The following WDR17 variants were observed in gnomAD, a reference collection of about 807,000 sequenced individuals.
WDR17 encodes the protein WD repeat domain 17, also known as WD repeat-containing protein 17.
A neutral mutation model predicts 161.7 loss-of-function variants in WDR17; 143 were observed. That is an observed-to-expected ratio of 0.88 (90% confidence interval 0.77 to 1.02). WDR17 has a LOEUF of 1.02. Ranked by LOEUF, WDR17 falls within the 50% of genes least tolerant of loss-of-function variation. WDR17 has a pLI of 0.00. For synonymous variants in WDR17, 517 were observed against 515.6 expected, an observed-to-expected ratio of 1.00 and a Z score of -0.04; for missense variants, 1,469 against 1,520.9, an observed-to-expected ratio of 0.97 and a Z score of 0.57.
chr4:176,119,094 ATC>A (rs1010046561), intron 3 of WDR17, among the ~76,000 whole-genome samples: 2 of 152,212 alleles, frequency 1.3e-5, no homozygotes, highest in East Asian at 1.9e-4. Context: ...AAGATGTGCA[ATC>A]TCTCTCTCAT....
intron 26 of WDR17, among the ~76,000 whole-genome samples, chr4:176,175,133 G>GT (rs1277913869): frequency 6.6e-6 from 1 of 152,174 alleles, no homozygotes; most frequent in African/African-American, 2.4e-5. Flanking sequence ...TAGGAAAGAG[G>GT]TAAGAGTGAA....
intron 3 of WDR17, among the ~76,000 whole-genome samples, chr4:176,118,691 C>A (rs904177933): frequency 9.2e-5 from 14 of 152,188 alleles, no homozygotes; most frequent in African/African-American, 3.1e-4. Context: ...AATCTAATTT[C>A]TTTCCAGGAC....
chr4:176,144,792 G>T (rs1263758563), intron 11 of WDR17, among the ~76,000 whole-genome samples: 2 of 151,814 alleles, frequency 1.3e-5, no homozygotes. Context: ...TATTTATAAG[G>T]TATCTCTGAC....
At position 176,180,482 on chromosome 4, in the gene WDR17, G is replaced by A. The variant is rs1037768562; in HGVS notation, c.*903G>A. On this transcript the variant is annotated 3_prime_UTR_variant, in exon 29 of 29. Transcript: ENST00000508596. Reference sequence around the variant, plus strand: ...TCAGCACTTTGGCAGGCCAAGGCAGGTGGATCACCTGAGGTCAGGAGTTCA... The same window carrying A: ...TCAGCACTTTGGCAGGCCAAGGCAGATGGATCACCTGAGGTCAGGAGTTCA... The A allele has an allele frequency of 6.6e-6, 1 of 152,262 alleles. No homozygotes were observed. Among genetic ancestry groups the A allele is most frequent in the African/African-American group, 2.4e-5 (1 of 41,458 alleles). The allele number at this position is 152,262 out of a possible 1,614,324, so 9.4% of individuals were successfully genotyped here.
chr4:176,168,238 TAACTC>T (rs1156523859), intron 22 of WDR17, among the ~76,000 whole-genome samples: 1 of 152,212 alleles, frequency 6.6e-6, no homozygotes, highest in Admixed American at 6.5e-5. Flanking sequence ...ATTATGAACT[TAACTC>T]AATATTCTAC....
intron 4 of WDR17, among the ~76,000 whole-genome samples, chr4:176,124,655 C>T (rs555663823): frequency 6.6e-6 from 1 of 152,236 alleles, no homozygotes; most frequent in South Asian, 2.1e-4. Flanking sequence ...TCTGAGGCAG[C>T]AAAGCTAGTA....
intron 4 of WDR17, among the ~76,000 whole-genome samples, chr4:176,122,397 C>A (rs1381940410): frequency 6.6e-6 from 1 of 152,110 alleles, no homozygotes; most frequent in Non-Finnish European, 1.5e-5. Flanking sequence ...TGAGAGAGCA[C>A]AGTTCAACCC....
At chr4:176,126,622 CTAT>C in intron 5 of WDR17, among the ~76,000 whole-genome samples, 1 of 152,098 alleles carries the variant, frequency 6.6e-6, no homozygotes, top group Non-Finnish European at 1.5e-5. Context: ...GTGACAAGTA[CTAT>C]GTTGAACCCA....
At chr4:176,148,596 C>T (rs1460570869) in intron 13 of WDR17, among the ~76,000 whole-genome samples, 1 of 152,156 alleles carries the variant, frequency 6.6e-6, no homozygotes, top group Non-Finnish European at 1.5e-5. Flanking sequence ...GTCTGTGTTT[C>T]TGTGTACACA....
chr4:176,166,034 CAG>C (rs1345201307), intron 22 of WDR17: 7 of 653,642 alleles, frequency 1.1e-5, no homozygotes, highest in African/African-American at 3.9e-5. Flanking sequence ...AAGCTATAAA[CAG>C]CGCTTTTTTT....
intron 3 of WDR17, among the ~76,000 whole-genome samples, chr4:176,118,880 G>A (rs2126716829): frequency 6.6e-6 from 1 of 152,138 alleles, no homozygotes; most frequent in African/African-American, 2.4e-5. Context: ...AGAATGGCAT[G>A]AACCCGGGAG....
At chr4:176,121,884 G>T (rs1325204482) in intron 4 of WDR17, among the ~76,000 whole-genome samples, 1 of 152,172 alleles carries the variant, frequency 6.6e-6, no homozygotes, top group African/African-American at 2.4e-5. Flanking sequence ...TTCCAGAAGA[G>T]ACCATTGTTT....
chr4:176,177,604 C>G lies in WDR17; in HGVS notation c.3682C>G (p.Pro1228Ala). Reference sequence around the variant, plus strand: ...AGATTATGTGACTGGATCAAATCTTCCAAGTCATTCTGATATTCACATTTC... The same window carrying G: ...AGATTATGTGACTGGATCAAATCTTGCAAGTCATTCTGATATTCACATTTC... Reference protein sequence around the residue: ...GPDYVTGSNLPSHSDIHISCL... With the variant: ...GPDYVTGSNLASHSDIHISCL... Residue 1228 changes from proline to alanine, a missense_variant, in exon 28 of 29, where the codon CCA becomes GCA. By Grantham distance (27) the Pro-to-Ala change is conservative. Transcript: ENST00000508596. 6.3e-7 allele frequency: 1 copy of G among 1,597,816 alleles called. No individual in the cohort carries two copies. Among genetic ancestry groups the G allele is most frequent in the South Asian group, 1.1e-5 (1 of 87,762 alleles).
chr4:176,180,751 A>G lies in WDR17; in HGVS notation c.*1172A>G, dbSNP rs1217001579. ...AAAAACCACAATTGATTTGATGAAAATTAGTTTTAAGTAAATGTTTGTAAA... is the reference window on the plus strand; with the variant it reads ...AAAAACCACAATTGATTTGATGAAAGTTAGTTTTAAGTAAATGTTTGTAAA... On this transcript the variant is annotated 3_prime_UTR_variant, in exon 29 of 29. Coordinates refer to ENST00000508596, the MANE Select transcript of WDR17 (RefSeq NM_181265.4). 1.3e-5 allele frequency: 2 copies of G among 152,162 alleles called. No homozygotes were observed. 9.4% of individuals were successfully genotyped at this position (152,162 alleles called of 1,614,324 possible).
At chr4:176,077,958 A>T (rs181673921) in intron 1 of WDR17, among the ~76,000 whole-genome samples, 169 of 152,182 alleles carry the variant, frequency 1.1e-3, no homozygotes, top group African/African-American at 3.9e-3. Context: ...CATTTGACCC[A>T]GGCAACCACT....
chr4:176,145,927 G>A, intron 11 of WDR17, 68 bp from the exon 12 acceptor site: 1 of 1,389,376 alleles, frequency 7.2e-7, no homozygotes. Context: ...TAGAACTATG[G>A]TATACCTTTA....
At chr4:176,173,814 C>T (rs1751088244) in intron 25 of WDR17, among the ~76,000 whole-genome samples, 1 of 151,346 alleles carries the variant, frequency 6.6e-6, no homozygotes, top group South Asian at 2.1e-4. Context: ...TGCGCCTGGC[C>T]GTTTGTTATG....
intron 3 of WDR17, among the ~76,000 whole-genome samples, chr4:176,116,732 A>G (rs1332862984): frequency 6.6e-6 from 1 of 151,868 alleles, no homozygotes; most frequent in Non-Finnish European, 1.5e-5. Context: ...TTTTGTTCAA[A>G]TTTCTTTGTA....
chr4:176,092,863 A>C (rs1579024470), intron 1 of WDR17, among the ~76,000 whole-genome samples: 1 of 152,054 alleles, frequency 6.6e-6, no homozygotes, highest in East Asian at 1.9e-4. Context: ...CCAACATGGC[A>C]AAAAGCCGTC....
Sources: gnomAD v4.1 joint callset for allele counts (sites outside exome capture counted in the v4.1 genomes callset) on GRCh38, gnomAD v4.1.1 for gene constraint, MANE v1.5 for transcripts, NCBI Gene and HGNC (gene_info 2026-07-23, HGNC 2026-07-21) for gene names.